Variants in TCF7L2 observed in about 807,000 individuals in gnomAD.
The protein encoded by TCF7L2 is transcription factor 7 like 2.
Under a neutral mutation model 77.9 loss-of-function variants are expected in TCF7L2, and 23 were observed. The ratio of observed to expected loss-of-function variants is 0.30; its 90% CI spans 0.21 to 0.42. The LOEUF (loss-of-function observed/expected upper bound fraction) is 0.42, where lower values mean the gene tolerates loss of function less well. TCF7L2 is among the 10% of genes least tolerant of loss of function. The pLI is 1.00. For missense variants in TCF7L2, 654 were observed against 793.1 expected (o/e 0.82, Z 2.11); for synonymous variants, 413 against 340.2 (o/e 1.21, Z -2.36).
chr10:113,001,386 A>G (rs1444091201), intron 4 of TCF7L2, among the ~76,000 whole-genome samples: 1 of 152,060 alleles, frequency 6.6e-6, no homozygotes, highest in Non-Finnish European at 1.5e-5. Context: ...GGTAAGTAGA[A>G]CCCCAGCCAG....
chr10:112,980,251 T>C lies in TCF7L2; in HGVS notation c.450+15627T>C, dbSNP rs183318388. Reference sequence around the variant, plus strand: ...TGCGGGTTAGAATGGCCAGTGTATGTTGGGGGCAAGTCTTTTCAGGGCCTT... The same window carrying C: ...TGCGGGTTAGAATGGCCAGTGTATGCTGGGGGCAAGTCTTTTCAGGGCCTT... On this transcript the variant is annotated intron_variant, in intron 4 of 13. Coordinates refer to ENST00000627217, the MANE Select transcript of TCF7L2 (RefSeq NM_001146274.2). 5.3e-5 allele frequency among the ~76,000 whole-genome samples: 8 copies of C among 152,324 alleles called. No individual in the cohort carries two copies. The East Asian group carries it at 1.4e-3, about 26-fold the overall frequency.
At chr10:113,035,552 A>G (rs1032673027) in intron 4 of TCF7L2, among the ~76,000 whole-genome samples, 2 of 152,228 alleles carry the variant, frequency 1.3e-5, no homozygotes, top group African/African-American at 4.8e-5. Flanking sequence ...CCTGGGCTCT[A>G]GCAATCCTCC....
At chr10:113,153,912 TG>T (rs1326656507) in intron 11 of TCF7L2, among the ~76,000 whole-genome samples, 1 of 152,224 alleles carries the variant, frequency 6.6e-6, no homozygotes, top group African/African-American at 2.4e-5. Flanking sequence ...AACCCGTGCT[TG>T]CCATGTAGAT....
intron 4 of TCF7L2, among the ~76,000 whole-genome samples, chr10:112,986,650 C>G (rs1297867716): frequency 6.6e-6 from 1 of 152,178 alleles, no homozygotes; most frequent in African/African-American, 2.4e-5. Flanking sequence ...GTGTTTCTCT[C>G]TGGTGGAAAA....
At chr10:112,992,768 CT>C (rs1439965136) in intron 4 of TCF7L2, among the ~76,000 whole-genome samples, 2,476 of 144,974 alleles carry the variant, frequency 0.017, 33 homozygotes, top group African/African-American at 0.042. Flanking sequence ...ATTTTTCTTT[CT>C]TTTTTTTTTT....
chr10:112,964,814 G>GTGAT (rs1400096451), intron 4 of TCF7L2, among the ~76,000 whole-genome samples, 190 bp downstream of exon 4: 7 of 116,168 alleles, frequency 6.0e-5, no homozygotes, highest in African/African-American at 3.3e-4. Flanking sequence ...GGTGGTGGTG[G>GTGAT]GGGGGGGTTG....
At chr10:113,165,059 TCACACTCA>T (rs1044676799) in intron 13 of TCF7L2, among the ~76,000 whole-genome samples, 5 of 152,006 alleles carry the variant, frequency 3.3e-5, no homozygotes, top group East Asian at 1.9e-4. Flanking sequence ...ACACACACAC[TCACACTCA>T]CACACTCACA....
chr10:113,150,369 G>A (rs2070480314), intron 8 of TCF7L2, among the ~76,000 whole-genome samples: 1 of 149,262 alleles, frequency 6.7e-6, no homozygotes. Flanking sequence ...TATTTAAAAT[G>A]TCCATGACTT....
At chr10:113,161,584 G>A in intron 13 of TCF7L2, 1 of 1,536,080 alleles carries the variant, frequency 6.5e-7, no homozygotes, top group African/African-American at 1.4e-5. Flanking sequence ...AGCAGTCTTT[G>A]AATTTGGAAT....
Position 113,159,913 on chromosome 10 carries a change from C to G in TCF7L2, c.1319-706C>G. 6.9e-7 allele frequency: 1 copy of G among 1,451,136 alleles called. No individual in the cohort carries two copies. Among genetic ancestry groups the G allele is most frequent in the Non-Finnish European group, 9.3e-7 (1 of 1,079,676 alleles). 89.9% of individuals were successfully genotyped at this position (1,451,136 alleles called of 1,614,324 possible). On this transcript the variant is annotated intron_variant, in intron 12 of 13. Coordinates refer to ENST00000627217, the MANE Select transcript of TCF7L2 (RefSeq NM_001146274.2). ...CCTCTGCTCGCTTCTCTCTTGAACT[C>G]ATTCAGACCTGAGCGCTCCTAAGAA...
intron 5 of TCF7L2, among the ~76,000 whole-genome samples, chr10:113,056,314 G>A (rs773959151): frequency 3.3e-5 from 5 of 152,156 alleles, no homozygotes; most frequent in East Asian, 1.9e-4. Flanking sequence ...GCCTTCTTGC[G>A]AATTACTTGG....
intron 3 of TCF7L2, among the ~76,000 whole-genome samples, chr10:112,958,716 G>A (rs2034315444): frequency 6.6e-6 from 1 of 152,122 alleles, no homozygotes; most frequent in African/African-American, 2.4e-5. Flanking sequence ...AAAATTGAGA[G>A]GATTTGTGTG....
intron 12 of TCF7L2, chr10:113,160,528 G>A: frequency 1.3e-5 from 16 of 1,185,416 alleles, no homozygotes; most frequent in Non-Finnish European, 1.9e-5. Flanking sequence ...AGGTGATAGA[G>A]AAGAAAAGGA....
chr10:112,966,100 G>A (rs533567644), intron 4 of TCF7L2, among the ~76,000 whole-genome samples: 5 of 150,452 alleles, frequency 3.3e-5, no homozygotes, highest in African/African-American at 9.9e-5. Flanking sequence ...ACTTGAACCC[G>A]GGAGGCGGAG....
intron 4 of TCF7L2, among the ~76,000 whole-genome samples, chr10:112,967,771 G>C (rs2037323465): frequency 6.6e-6 from 1 of 152,046 alleles, no homozygotes; most frequent in Admixed American, 6.5e-5. Flanking sequence ...GAGTAGCTGG[G>C]ATTACAGGCA....
intron 3 of TCF7L2, among the ~76,000 whole-genome samples, chr10:112,956,893 A>T (rs2033753245): frequency 6.6e-6 from 1 of 151,886 alleles, no homozygotes; most frequent in Admixed American, 6.6e-5. Flanking sequence ...AGATGGGGGG[A>T]GGTGGTGGTA....
At chr10:113,032,730 T>G (rs2050461749) in intron 4 of TCF7L2, among the ~76,000 whole-genome samples, 2 of 152,230 alleles carry the variant, frequency 1.3e-5, no homozygotes, top group South Asian at 4.1e-4. Flanking sequence ...CCTCAGTCAA[T>G]CTGGGTCTTG....
intron 5 of TCF7L2, among the ~76,000 whole-genome samples, chr10:113,069,332 A>G (rs1388408682): frequency 6.6e-6 from 1 of 151,698 alleles, no homozygotes; most frequent in Non-Finnish European, 1.5e-5. Flanking sequence ...GGGTTCAAGC[A>G]ATTCTCCTGC....
intron 5 of TCF7L2, among the ~76,000 whole-genome samples, chr10:113,047,898 C>T (rs369026758): frequency 6.6e-6 from 1 of 152,178 alleles, no homozygotes; most frequent in Non-Finnish European, 1.5e-5. Flanking sequence ...GAGTCTTTGG[C>T]AGCTCAGCTC....
Sources: allele counts gnomAD v4.1 joint callset (sites outside exome capture counted in the v4.1 genomes callset), GRCh38; gene constraint gnomAD v4.1.1; transcripts MANE v1.5; gene names NCBI Gene and HGNC (gene_info 2026-07-23, HGNC 2026-07-21).